NAALADL2: variants seen among roughly 807,000 people sequenced by gnomAD.
NAALADL2 encodes inactive N-acetylated-alpha-linked acidic dipeptidase-like protein 2.
NAALADL2 carries 76 observed loss-of-function variants against 87.2 expected under a neutral mutation model. That is an observed-to-expected ratio of 0.87 (90% confidence interval 0.72 to 1.05). The LOEUF (loss-of-function observed/expected upper bound fraction) is 1.05, where lower values mean the gene tolerates loss of function less well. NAALADL2 is among the 50% of genes least tolerant of loss of function. NAALADL2 has a pLI of 0.00. For synonymous variants in NAALADL2, 354 were observed against 331.0 expected, an observed-to-expected ratio of 1.07 and a Z score of -0.75; for missense variants, 1,089 against 945.8, an observed-to-expected ratio of 1.15 and a Z score of -1.99.
chr3:175,426,046 C>T (rs1716717479), intron 5 of NAALADL2, among the ~76,000 whole-genome samples: 1 of 152,002 alleles, frequency 6.6e-6, no homozygotes, highest in Non-Finnish European at 1.5e-5. Context: ...TATTCAGTGG[C>T]CAGGTGAAAA....
chr3:175,764,614 C>G (rs1748446672), intron 13 of NAALADL2, among the ~76,000 whole-genome samples: 1 of 136,040 alleles, frequency 7.4e-6, no homozygotes, highest in Non-Finnish European at 1.6e-5. Flanking sequence ...CTGCCTTTAA[C>G]CAAGAATAAA....
At chr3:174,920,060 C>A (rs1022592624) in intron 1 of NAALADL2, among the ~76,000 whole-genome samples, 1 of 152,124 alleles carries the variant, frequency 6.6e-6, no homozygotes, top group African/African-American at 2.4e-5. Flanking sequence ...ATCATTCAGG[C>A]CTTGATGTTC....
chr3:175,263,562 T>C (rs1419941011), intron 4 of NAALADL2, among the ~76,000 whole-genome samples: 1 of 151,954 alleles, frequency 6.6e-6, no homozygotes, highest in Non-Finnish European at 1.5e-5. Flanking sequence ...TGGCATCATG[T>C]ATCAGAAGGT....
At chr3:174,705,571 T>C (rs1370404277) in intron 2 of NAALADL2, among the ~76,000 whole-genome samples, 1 of 151,908 alleles carries the variant, frequency 6.6e-6, no homozygotes, top group East Asian at 1.9e-4. Context: ...GATCACGAGG[T>C]CAGGAGATCG....
intron 1 of NAALADL2, among the ~76,000 whole-genome samples, chr3:174,861,904 T>G (rs1726553714): frequency 6.6e-6 from 1 of 151,610 alleles, no homozygotes; most frequent in African/African-American, 2.4e-5. Flanking sequence ...ACCCATTTTT[T>G]TTTTTTCCTG....
At chr3:175,644,478 CA>C (rs1047931730) in intron 11 of NAALADL2, among the ~76,000 whole-genome samples, 1 of 151,940 alleles carries the variant, frequency 6.6e-6, no homozygotes, top group Non-Finnish European at 1.5e-5. Context: ...TTGCATTTTT[CA>C]ATCTAATTTA....
intron 1 of NAALADL2, among the ~76,000 whole-genome samples, chr3:175,083,500 G>A (rs1718283343): frequency 6.6e-6 from 1 of 152,002 alleles, no homozygotes. Flanking sequence ...ATTTCATTTA[G>A]TTTTCACCAA....
intron 1 of NAALADL2, among the ~76,000 whole-genome samples, chr3:174,983,622 G>A (rs1667163669): frequency 6.6e-6 from 1 of 152,098 alleles, no homozygotes; most frequent in South Asian, 2.1e-4. Flanking sequence ...GGTGGAAGGG[G>A]CAGGCCAGCT....
intron 5 of NAALADL2, among the ~76,000 whole-genome samples, chr3:175,398,417 CCCT>C (rs1473158258): frequency 6.7e-6 from 1 of 148,604 alleles, no homozygotes; most frequent in East Asian, 2.0e-4. Flanking sequence ...CTTCTAATTC[CCCT>C]CCTCTGCTAA....
intron 11 of NAALADL2, chr3:175,718,200 T>C (rs967455577): frequency 3.8e-6 from 2 of 527,518 alleles, no homozygotes; most frequent in Non-Finnish European, 2.8e-6. Context: ...CTGTGGTTTT[T>C]TTTTTTTTTT....
At chr3:175,377,280 C>T (rs1767246593) in intron 5 of NAALADL2, among the ~76,000 whole-genome samples, 1 of 152,064 alleles carries the variant, frequency 6.6e-6, no homozygotes, top group African/African-American at 2.4e-5. Context: ...CCACTGAACT[C>T]CAGCCTGGGT....
intron 3 of NAALADL2, among the ~76,000 whole-genome samples, chr3:174,782,840 C>T (rs1716157689): frequency 6.6e-6 from 1 of 151,930 alleles, no homozygotes; most frequent in African/African-American, 2.4e-5. Context: ...GGTAACCGCC[C>T]CCATGATTCA....
At chr3:174,566,876 T>C (rs746131821) in intron 2 of NAALADL2, among the ~76,000 whole-genome samples, 3 of 151,812 alleles carry the variant, frequency 2.0e-5, no homozygotes, top group Non-Finnish European at 4.4e-5. Flanking sequence ...TGATTAACTT[T>C]TTTAAGAAAA....
chr3:175,215,089 T>C (rs910681196), intron 2 of NAALADL2, among the ~76,000 whole-genome samples: 3 of 152,142 alleles, frequency 2.0e-5, no homozygotes, highest in African/African-American at 4.8e-5. Flanking sequence ...CTACAAGTAG[T>C]AAAATCACCA....
chr3:174,491,163 G>A (rs1470375056), intron 1 of NAALADL2, among the ~76,000 whole-genome samples: 2 of 152,066 alleles, frequency 1.3e-5, no homozygotes, highest in Non-Finnish European at 2.9e-5. Flanking sequence ...AGTACACTAT[G>A]AACCTCAGAT....
At chr3:174,744,123 T>C (rs1734022731) in intron 3 of NAALADL2, among the ~76,000 whole-genome samples, 1 of 151,930 alleles carries the variant, frequency 6.6e-6, no homozygotes, top group Admixed American at 6.6e-5. Flanking sequence ...TCCTAATCCT[T>C]GGTACCTGTG....
chr3:174,899,840 A>G (rs932624594), intron 1 of NAALADL2, among the ~76,000 whole-genome samples: 5 of 152,016 alleles, frequency 3.3e-5, no homozygotes, highest in African/African-American at 1.2e-4. Flanking sequence ...AAAATGCAAA[A>G]TTTACAACCA....
chr3:175,247,774 A>G (rs561785201), intron 3 of NAALADL2, among the ~76,000 whole-genome samples: 64 of 152,308 alleles, frequency 4.2e-4, no homozygotes, highest in Non-Finnish European at 7.1e-4. Flanking sequence ...ACAGGTCACA[A>G]ACCTCTGAGG....
At chr3:174,654,098 G>GTT (rs1242562366) in intron 2 of NAALADL2, among the ~76,000 whole-genome samples, 36 of 149,108 alleles carry the variant, frequency 2.4e-4, no homozygotes, top group Non-Finnish European at 4.9e-4. Flanking sequence ...GTGTGTGTGT[G>GTT]TGTTAGAAAT....
Sources: allele counts gnomAD v4.1 joint callset (sites outside exome capture counted in the v4.1 genomes callset), GRCh38; gene constraint gnomAD v4.1.1; transcripts MANE v1.5; gene names NCBI Gene and HGNC (gene_info 2026-07-23, HGNC 2026-07-21).